The following LYPLAL1 variants were observed in gnomAD, a reference collection of about 807,000 sequenced individuals.
The protein encoded by LYPLAL1 is lysophospholipase like 1.
A neutral mutation model predicts 19.7 loss-of-function variants in LYPLAL1; 23 were observed. The ratio of observed to expected loss-of-function variants is 1.17; its 90% CI spans 0.84 to 1.65. The LOEUF is 1.65. Ranked by LOEUF, LYPLAL1 falls within the 40% of genes most tolerant of loss-of-function variation. The pLI, the probability that LYPLAL1 is intolerant of heterozygous loss-of-function variation, is 0.00. For missense variants in LYPLAL1, 355 were observed against 279.4 expected (o/e 1.27, Z -1.93); for synonymous variants, 119 against 96.3 (o/e 1.24, Z -1.38).
the LYPLAL1 span, among the ~76,000 whole-genome samples, chr1:219,404,978 T>C: frequency 6.6e-6 from 1 of 152,218 alleles, no homozygotes; most frequent in African/African-American, 2.4e-5. Flanking sequence ...TTTTTGAACA[T>C]CAAACTGGAA....
At chr1:219,254,187 G>A in the LYPLAL1 span, among the ~76,000 whole-genome samples, 120 of 151,992 alleles carry the variant, frequency 7.9e-4, no homozygotes, top group Non-Finnish European at 7.7e-4. Context: ...CGTTTGAGAC[G>A]GATCTCTTGA....
the LYPLAL1 span, among the ~76,000 whole-genome samples, chr1:219,332,903 C>A: frequency 6.8e-6 from 1 of 146,182 alleles, no homozygotes; most frequent in African/African-American, 2.5e-5. Context: ...CTTGTTTATT[C>A]AAGCTGTTGG....
the LYPLAL1 span, among the ~76,000 whole-genome samples, chr1:219,349,301 A>G: frequency 5.3e-5 from 8 of 152,178 alleles, no homozygotes; most frequent in African/African-American, 1.2e-4. Flanking sequence ...CTGAGAAACT[A>G]CTCTGTGTTA....
the LYPLAL1 span, among the ~76,000 whole-genome samples, chr1:219,420,237 A>G: frequency 6.6e-6 from 1 of 152,238 alleles, no homozygotes; most frequent in African/African-American, 2.4e-5. Context: ...GGCTTCAGAA[A>G]AGTCTTGTTG....
At chr1:219,387,226 C>T in the LYPLAL1 span, among the ~76,000 whole-genome samples, 2 of 152,168 alleles carry the variant, frequency 1.3e-5, no homozygotes, top group Non-Finnish European at 2.9e-5. Context: ...ACTACACTTA[C>T]CTACCTAATT....
the LYPLAL1 span, among the ~76,000 whole-genome samples, chr1:219,269,789 TATC>T: frequency 6.6e-6 from 1 of 152,116 alleles, no homozygotes; most frequent in East Asian, 1.9e-4. Flanking sequence ...ATTATAAACA[TATC>T]ATACTATGAA....
the LYPLAL1 span, among the ~76,000 whole-genome samples, chr1:219,421,201 T>G: frequency 6.6e-6 from 1 of 152,180 alleles, no homozygotes; most frequent in Non-Finnish European, 1.5e-5. Context: ...TAGGCCCAAT[T>G]TATTAACTAG....
the LYPLAL1 span, among the ~76,000 whole-genome samples, chr1:219,341,700 G>T: frequency 6.6e-6 from 1 of 151,982 alleles, no homozygotes; most frequent in Non-Finnish European, 1.5e-5. Flanking sequence ...TTTTCTAGTA[G>T]GTGGACTTAC....
chr1:219,245,246 G>T, the LYPLAL1 span, among the ~76,000 whole-genome samples: 1 of 140,662 alleles, frequency 7.1e-6, no homozygotes, highest in East Asian at 2.1e-4. Flanking sequence ...CTACAGTTCA[G>T]ATCCTTAGAG....
the LYPLAL1 span, among the ~76,000 whole-genome samples, chr1:219,309,139 G>A: frequency 5.9e-5 from 9 of 152,182 alleles, no homozygotes; most frequent in Admixed American, 5.9e-4. Flanking sequence ...CTGCCCCACT[G>A]GATTTGAGAC....
the LYPLAL1 span, among the ~76,000 whole-genome samples, chr1:219,298,738 A>C: frequency 6.6e-6 from 1 of 152,266 alleles, no homozygotes; most frequent in Non-Finnish European, 1.5e-5. Flanking sequence ...GGAGTTGCAC[A>C]GAGGCAGTGA....
chr1:219,399,874 C>T, the LYPLAL1 span, among the ~76,000 whole-genome samples: 1 of 152,098 alleles, frequency 6.6e-6, no homozygotes, highest in Non-Finnish European at 1.5e-5. Flanking sequence ...AGGGGTTTGG[C>T]CATCCCTAGC....
the LYPLAL1 span, among the ~76,000 whole-genome samples, chr1:219,281,252 A>G: frequency 6.6e-6 from 1 of 152,280 alleles, no homozygotes; most frequent in East Asian, 1.9e-4. Context: ...AACACATGCA[A>G]TTAATATCTT....
At chr1:219,241,564 T>A in the LYPLAL1 span, among the ~76,000 whole-genome samples, 1 of 152,148 alleles carries the variant, frequency 6.6e-6, no homozygotes, top group Non-Finnish European at 1.5e-5. Flanking sequence ...CATCAAAGAA[T>A]GAGAGTTAAG....
At chr1:219,238,588 C>T in the LYPLAL1 span, among the ~76,000 whole-genome samples, 1 of 152,058 alleles carries the variant, frequency 6.6e-6, no homozygotes, top group Non-Finnish European at 1.5e-5. Context: ...AAATTGATAG[C>T]TAATAATCCA....
chr1:219,443,284 G>T, the LYPLAL1 span, among the ~76,000 whole-genome samples: 2 of 152,116 alleles, frequency 1.3e-5, no homozygotes, highest in African/African-American at 4.8e-5. Flanking sequence ...ACAGGTCCAT[G>T]GGGTTATAAG....
At chr1:219,192,203 A>G (rs953500614) in intron 2 of LYPLAL1, among the ~76,000 whole-genome samples, 1 of 151,708 alleles carries the variant, frequency 6.6e-6, no homozygotes, top group Non-Finnish European at 1.5e-5. Flanking sequence ...AAGAAGTACA[A>G]AAGCATGTTC....
the LYPLAL1 span, among the ~76,000 whole-genome samples, chr1:219,434,476 G>A: frequency 6.6e-6 from 1 of 152,186 alleles, no homozygotes; most frequent in Non-Finnish European, 1.5e-5. Flanking sequence ...CCACTGGAAT[G>A]AGCAAGGAAG....
At chr1:219,387,881 G>A in the LYPLAL1 span, among the ~76,000 whole-genome samples, 6 of 152,256 alleles carry the variant, frequency 3.9e-5, no homozygotes, top group African/African-American at 1.4e-4. Flanking sequence ...AGAAGTATTT[G>A]GTATTTACAG....
Sources: gnomAD v4.1 joint callset for allele counts (sites outside exome capture counted in the v4.1 genomes callset) on GRCh38, gnomAD v4.1.1 for gene constraint, MANE v1.5 for transcripts, NCBI Gene and HGNC (gene_info 2026-07-23, HGNC 2026-07-21) for gene names.